IMPG2: variants seen among roughly 807,000 people sequenced by gnomAD.
The protein encoded by IMPG2 is IPM 200.
Under a neutral mutation model 129.2 loss-of-function variants are expected in IMPG2, and 91 were observed. The observed-to-expected ratio is 0.70, with a 90% CI of 0.59 to 0.84. The LOEUF is 0.84. Ranked by LOEUF, IMPG2 falls within the 40% of genes least tolerant of loss-of-function variation. IMPG2 has a pLI of 0.00. For synonymous variants in IMPG2, 510 were observed against 517.7 expected (o/e 0.99, Z 0.20); for missense variants, 1,430 against 1,461.7 (o/e 0.98, Z 0.35).
Position 101,257,465 on chromosome 3 carries a change from GT to G in IMPG2, c.1153+63del. ...GAACCTTATATATTTCAGGAAATTA[GT>G]TTACACCAGAGCATACTGGAAAAGA... On this transcript the variant is annotated intron_variant, in intron 10 of 18. Coordinates refer to ENST00000193391, the MANE Select transcript of IMPG2 (RefSeq NM_016247.4). The G allele has an allele frequency of 4.4e-6, 7 of 1,589,718 alleles. No individual in the cohort carries two copies. The South Asian group carries it at 7.8e-5, about 18-fold the overall frequency.
chr3:101,281,514 T>C (rs1241736837), intron 4 of IMPG2, among the ~76,000 whole-genome samples: 1 of 151,902 alleles, frequency 6.6e-6, no homozygotes, highest in African/African-American at 2.4e-5. Flanking sequence ...TATAGCAGAG[T>C]ATTTGGTGCA....
chr3:101,299,486 G>A (rs540829514), intron 3 of IMPG2, among the ~76,000 whole-genome samples: 109 of 152,258 alleles, frequency 7.2e-4, no homozygotes, highest in African/African-American at 2.3e-3. Context: ...GGCCTTTTGG[G>A]TTTTCAACCT....
At chr3:101,254,174 A>G (rs754338820) in intron 10 of IMPG2, among the ~76,000 whole-genome samples, 7 of 152,164 alleles carry the variant, frequency 4.6e-5, no homozygotes, top group Non-Finnish European at 1.0e-4. Context: ...GTAGAAAAGC[A>G]TGCAAAAATA....
At chr3:101,229,308 C>CCCCCCCCCCCCG in intron 17 of IMPG2, 72 bp downstream of exon 17, 1 of 840,604 alleles carries the variant, frequency 1.2e-6, no homozygotes, top group Non-Finnish European at 2.0e-6. Flanking sequence ...ACACCCCCAC[C>CCCCCCCCCCCCG]CACCACCCCC....
intron 10 of IMPG2, among the ~76,000 whole-genome samples, chr3:101,255,857 C>T (rs985772912): frequency 6.6e-6 from 1 of 151,826 alleles, no homozygotes; most frequent in South Asian, 2.1e-4. Flanking sequence ...TAAAGCCTCC[C>T]TAATGTTTAA....
In IMPG2 at chr3:101,244,727, G is replaced by T; in HGVS notation, c.1604C>A (p.Ser535Ter). ...TTCTTTTGGCACAGGTTGAGTGAATGAACTTGAAGGCAATGAATCAATAGA... is the reference window on the plus strand; with the variant it reads ...TTCTTTTGGCACAGGTTGAGTGAATTAACTTGAAGGCAATGAATCAATAGA... ...FLSIDSLPSS[S>*]FTQPVPKETI... The change falls in exon 13 of 19, where the codon TCA becomes TAA. Residue 535 changes from serine (S) to a stop codon, truncating the protein, a stop_gained. Transcript: ENST00000193391. LOFTEE classifies it high-confidence loss of function. 6.2e-7 allele frequency: 1 copy of T among 1,613,956 alleles called. No individual in the cohort carries two copies. The highest frequency in any genetic ancestry group is 1.1e-5 in the South Asian group (1 of 91,052).
Position 101,225,346 on chromosome 3 carries a change from T to A in IMPG2, c.*1623A>T, listed in dbSNP as rs1033037899. On this transcript the variant is annotated 3_prime_UTR_variant, in exon 19 of 19. Coordinates refer to ENST00000193391, the MANE Select transcript of IMPG2 (RefSeq NM_016247.4). ...GTGAGTAGGGAATGAAAGGAAATGC[T>A]AGGATAAGGGAGCCACCTTGGCGCG... 1 of 152,304 alleles carries A rather than the reference T, an allele frequency of 6.6e-6. No individual in the cohort carries two copies. Among genetic ancestry groups the A allele is most frequent in the Admixed American group, 6.5e-5 (1 of 15,286 alleles). The allele number at this position is 152,304 out of a possible 1,614,324, so 9.4% of individuals were successfully genotyped here.
chr3:101,229,418 TTTC>T lies in IMPG2; in HGVS notation c.3592_3594del (p.Glu1198del). The T allele has an allele frequency of 6.2e-7, 1 of 1,611,804 alleles. No homozygotes were observed. The highest frequency in any genetic ancestry group is 8.5e-7 in the Non-Finnish European group (1 of 1,179,814). On this transcript the variant is annotated inframe_deletion, in exon 17 of 19. Coordinates refer to ENST00000193391, the MANE Select transcript of IMPG2 (RefSeq NM_016247.4). ...TCACTGCTCTCATACATCTGTCTGA[TTTC>T]TTCTCTGCTCAGCCCACCAATCACG...
chr3:101,254,911 C>T (rs535783148), intron 10 of IMPG2, among the ~76,000 whole-genome samples: 17 of 152,030 alleles, frequency 1.1e-4, no homozygotes, highest in Non-Finnish European at 4.4e-5. Context: ...CTTTCTCTCT[C>T]TCTCTCTCTG....
In IMPG2 at chr3:101,243,821, T is replaced by A; in HGVS notation, c.2510A>T (p.Asp837Val). 3 of 1,614,188 alleles carry A rather than the reference T, an allele frequency of 1.9e-6. No individual in the cohort carries two copies. The highest frequency in any genetic ancestry group is 1.7e-5 in the Admixed American group (1 of 60,024). Residue 837 changes from aspartate to valine, a missense_variant, in exon 13 of 19, where the codon GAT becomes GTT. Coordinates refer to ENST00000193391, the MANE Select transcript of IMPG2 (RefSeq NM_016247.4). ...LEDEVIMGVQ[D>V]ISLELDRIGT... ...TATCCGGTCCAGTTCTAACGAAATA[T>A]CCTGTACACCCATAATTACTTCATC...
At chr3:101,285,091 A>G (rs907972792) in intron 4 of IMPG2, among the ~76,000 whole-genome samples, 1 of 152,224 alleles carries the variant, frequency 6.6e-6, no homozygotes, top group African/African-American at 2.4e-5. Context: ...AAAATTTCAT[A>G]GGGTAATTGT....
intron 4 of IMPG2, among the ~76,000 whole-genome samples, chr3:101,281,634 T>C (rs559844604): frequency 2.6e-5 from 4 of 152,292 alleles, no homozygotes; most frequent in Admixed American, 2.6e-4. Flanking sequence ...ATATCTTAAT[T>C]CCCAGAGAGG....
At chr3:101,253,574 G>A (rs996594138) in intron 11 of IMPG2, 122 bp downstream of exon 11, 1 of 740,146 alleles carries the variant, frequency 1.4e-6, no homozygotes, top group Non-Finnish European at 2.4e-6. Flanking sequence ...GTCTAGGGAT[G>A]ATGCAAGAGA....
chr3:101,247,834 C>G (rs1263252243), intron 11 of IMPG2, among the ~76,000 whole-genome samples: 1 of 152,150 alleles, frequency 6.6e-6, no homozygotes, highest in African/African-American at 2.4e-5. Context: ...TTCTTATCAA[C>G]TGGAACCTTT....
At chr3:101,287,131 T>C (rs1436965804) in intron 4 of IMPG2, among the ~76,000 whole-genome samples, 3 of 152,140 alleles carry the variant, frequency 2.0e-5, no homozygotes, top group African/African-American at 7.2e-5. Flanking sequence ...TGTCAGGGTA[T>C]AGTAACACAG....
chr3:101,230,908 G>T, intron 16 of IMPG2, 49 bp downstream of exon 16: 1 of 1,534,734 alleles, frequency 6.5e-7, no homozygotes, highest in Non-Finnish European at 9.0e-7. Context: ...CTAAATAAAT[G>T]TGTAAATGGA....
rs1450007110 is a variant in IMPG2, at chr3:101,246,066, A to T, written c.1279T>A (p.Ser427Thr). The part of the protein sequence containing the change: ...FQAAWPSADE[S>T]ITSSIPPLDF... The stretch of plus-strand genomic sequence containing the variant: ...AGTGGTGGAATACTGCTGGTGATGG[A>T]TTCATCTGCTGAGGGCCATGCAGCT... Residue 427 changes from serine (S) to threonine (T), a missense_variant, in exon 12 of 19, where the codon TCC becomes ACC. Physicochemically the swap from Ser to Thr is moderately conservative, Grantham distance 58. Coordinates refer to ENST00000193391, the MANE Select transcript of IMPG2 (RefSeq NM_016247.4). 6.2e-7 allele frequency: 1 copy of T among 1,614,140 alleles called. No homozygotes were observed. The highest frequency in any genetic ancestry group is 1.1e-5 in the South Asian group (1 of 91,076).
At chr3:101,250,163 T>A (rs757929896) in intron 11 of IMPG2, among the ~76,000 whole-genome samples, 2 of 152,198 alleles carry the variant, frequency 1.3e-5, no homozygotes, top group African/African-American at 2.4e-5. Context: ...CTGACCTGTG[T>A]GCAGAGTGCT....
chr3:101,267,569 G>A (rs1706733598), intron 8 of IMPG2, 38 bp from the exon 9 acceptor site: 1 of 1,544,352 alleles, frequency 6.5e-7, no homozygotes, highest in Non-Finnish European at 9.0e-7. Flanking sequence ...CAGAGTTTGA[G>A]ACAGTTATTA....
Sources: allele counts gnomAD v4.1 joint callset (sites outside exome capture counted in the v4.1 genomes callset), GRCh38; gene constraint gnomAD v4.1.1; transcripts MANE v1.5; gene names NCBI Gene and HGNC (gene_info 2026-07-23, HGNC 2026-07-21).